CASZ1: variants seen among roughly 807,000 people sequenced by gnomAD.
CASZ1 encodes zinc finger protein castor homolog 1.
CASZ1 carries 28 observed loss-of-function variants against 135.2 expected under a neutral mutation model. That is an observed-to-expected ratio of 0.21 (90% CI 0.15 to 0.28). CASZ1 has a LOEUF of 0.28. Ranked by LOEUF, CASZ1 falls within the 10% of genes least tolerant of loss-of-function variation. CASZ1 has a pLI of 1.00. For synonymous variants in CASZ1, 1,068 were observed against 1,073.4 expected (o/e 0.99, Z 0.10); for missense variants, 2,161 against 2,453.3 (o/e 0.88, Z 2.52).
At chr1:10,715,658 G>GCACCCCACAGCACCCAATCCA (rs1639368495) in intron 2 of CASZ1, among the ~76,000 whole-genome samples, 1 of 85,948 alleles carries the variant, frequency 1.2e-5, no homozygotes, top group African/African-American at 5.1e-5. Context: ...CACCCAATCC[G>GCACCCCACAGCACCCAATCCA]CACCCCACAG....
Position 10,700,078 on chromosome 1 carries a change from G to C in CASZ1, c.-24+5414C>G, listed in dbSNP as rs581743. On this transcript the variant is annotated intron_variant, in intron 3 of 20. Transcript: ENST00000377022. The surrounding 1 kb of genome is among the most constrained non-coding windows in gnomAD (Gnocchi z 4.2). The stretch of plus-strand genomic sequence containing the variant: ...AGAGACAGAGAGAGAAAGAGAGATA[G>C]AGACACACACACACACACACACACA... Among the ~76,000 whole-genome samples the C allele has an allele frequency of 1.8e-4, 13 of 74,170 alleles. 1 individual carries two copies. Among genetic ancestry groups the C allele is most frequent in the East Asian group, 1.0e-3 (3 of 2,918 alleles). The allele number at this position is 74,170 out of a possible 152,430, so 48.7% of individuals were successfully genotyped here. A position where few individuals can be genotyped will look rare whatever the true frequency, so the allele number is the denominator to read the frequency against.
intron 2 of CASZ1, among the ~76,000 whole-genome samples, chr1:10,708,431 G>A (rs753934973): frequency 2.6e-5 from 4 of 152,238 alleles, no homozygotes; most frequent in Non-Finnish European, 5.9e-5. Flanking sequence ...TGGGTAAGAA[G>A]AAGAGCACAG....
chr1:10,645,388 G>A (rs1642336984), intron 17 of CASZ1, among the ~76,000 whole-genome samples: 1 of 152,176 alleles, frequency 6.6e-6, no homozygotes, highest in South Asian at 2.1e-4. Flanking sequence ...AAATTAGCCG[G>A]GCGTGGTGGC....
rs773479206 is a variant in CASZ1, at chr1:10,701,542, C to T, written c.-24+3950G>A. On this transcript the variant is annotated intron_variant, in intron 3 of 20. Coordinates refer to ENST00000377022, the MANE Select transcript of CASZ1 (RefSeq NM_001079843.3). This position sits in a 1 kb window ranked among gnomAD's most constrained non-coding sequence, Gnocchi z 6.3. ...TGGAGTGATGGGAGGAGGGGGGGCG[C>T]GGTCAGAAGAAGGAGATAACGGGCA... is the stretch of plus-strand genomic sequence containing the variant. Among the ~76,000 whole-genome samples the T allele has an allele frequency of 1.3e-5, 2 of 152,046 alleles. No individual in the cohort carries two copies. Among genetic ancestry groups the T allele is most frequent in the South Asian group, 2.1e-4 (1 of 4,824 alleles).
chr1:10,703,497 G>A (rs1639106675), intron 3 of CASZ1, among the ~76,000 whole-genome samples: 2 of 152,190 alleles, frequency 1.3e-5, no homozygotes, highest in East Asian at 1.9e-4. Context: ...CTTGCCACAA[G>A]CCTGGGAAGC....
chr1:10,710,126 A>C (rs993391301), intron 2 of CASZ1, among the ~76,000 whole-genome samples: 5 of 152,226 alleles, frequency 3.3e-5, no homozygotes, highest in African/African-American at 9.6e-5. Flanking sequence ...ACCTGGCTTA[A>C]GAAGTGTTTT....
In CASZ1 at chr1:10,649,445, G is replaced by A. The variant is rs1212259993; in HGVS notation, c.2881-8C>T. 8.7e-6 allele frequency: 14 copies of A among 1,602,238 alleles called. No homozygotes were observed. In the African/African-American group the frequency reaches 9.4e-5, roughly 11 times the overall value. Reference sequence around the variant, plus strand: ...AGGGTTGCCCTGAGACATCTGTGAGGGACAGAGGCCGAGCATGGGGCTGGG... The same window carrying A: ...AGGGTTGCCCTGAGACATCTGTGAGAGACAGAGGCCGAGCATGGGGCTGGG... On this transcript the variant is annotated splice_polypyrimidine_tract_variant and splice_region_variant and intron_variant, in intron 13 of 20. Coordinates refer to ENST00000377022, the MANE Select transcript of CASZ1 (RefSeq NM_001079843.3).
intron 1 of CASZ1, among the ~76,000 whole-genome samples, chr1:10,773,981 C>A (rs919328030): frequency 3.9e-5 from 6 of 152,172 alleles, no homozygotes; most frequent in African/African-American, 1.2e-4. Flanking sequence ...GTCTGAAGGT[C>A]CTGGCAGCTC....
At chr1:10,729,168 C>T (rs981520384) in intron 2 of CASZ1, among the ~76,000 whole-genome samples, 3 of 152,080 alleles carry the variant, frequency 2.0e-5, no homozygotes, top group Non-Finnish European at 4.4e-5. Flanking sequence ...AGGCCCTCGG[C>T]GTTGAAGGCA....
chr1:10,671,434 A>G (rs1643394868), intron 4 of CASZ1, among the ~76,000 whole-genome samples: 1 of 152,154 alleles, frequency 6.6e-6, no homozygotes. Flanking sequence ...GAACACAAAC[A>G]TGGCTCCTGC....
Position 10,656,736 on chromosome 1 carries a change from C to A in CASZ1, c.1410G>T (p.Arg470Ser). 1 of 1,587,974 alleles carries A rather than the reference C, an allele frequency of 6.3e-7. No homozygotes were observed. The change falls in exon 8 of 21, where the codon AGG becomes AGT. Residue 470 changes from arginine (R) to serine (S), a missense_variant and splice_region_variant. Coordinates refer to ENST00000377022, the MANE Select transcript of CASZ1 (RefSeq NM_001079843.3). ...GGCCACAGTGCTGGCTGCCCGAGAA[C>A]CTGGAGGGAGGAGGGGTGGGGTCAG... ...DVNIYQKYIA[R>S]FSGSQHCGHI... is the part of the protein sequence containing the mutation.
At chr1:10,748,860 TC>T (rs1236542686) in intron 2 of CASZ1, among the ~76,000 whole-genome samples, 1 of 152,214 alleles carries the variant, frequency 6.6e-6, no homozygotes, top group African/African-American at 2.4e-5. Flanking sequence ...ATGGAGGTCT[TC>T]TCGGCAGAAG....
intron 4 of CASZ1, among the ~76,000 whole-genome samples, chr1:10,669,085 G>C (rs2100308541): frequency 6.6e-6 from 1 of 152,336 alleles, no homozygotes; most frequent in Non-Finnish European, 1.5e-5. Flanking sequence ...GCACAGGGTT[G>C]GGGAAAACGG....
chr1:10,763,276 G>A (rs950375043), intron 1 of CASZ1, among the ~76,000 whole-genome samples: 1 of 152,190 alleles, frequency 6.6e-6, no homozygotes, highest in Non-Finnish European at 1.5e-5. Context: ...CTGAGTGAGC[G>A]TGCTTACAGA....
intron 4 of CASZ1, among the ~76,000 whole-genome samples, chr1:10,684,044 G>A (rs1557503593): frequency 6.6e-6 from 1 of 152,230 alleles, no homozygotes; most frequent in Admixed American, 6.5e-5. Context: ...AAACCCAGCA[G>A]TATCTCCGGG....
rs555459109 is a variant in CASZ1 at position 10,697,141 on chromosome 1, G to A, written c.-23-3229C>T. ...AGAGAAGCAAGAAACAGGCCAACTC[G>A]GAGCGCAAGGATTTATGAAGGTCAG... On this transcript the variant is annotated intron_variant, in intron 3 of 20. Coordinates refer to ENST00000377022, the MANE Select transcript of CASZ1 (RefSeq NM_001079843.3). The surrounding 1 kb of genome is among the most constrained non-coding windows in gnomAD (Gnocchi z 4.7). Among the ~76,000 whole-genome samples, 2 of 152,340 alleles carry A rather than the reference G, an allele frequency of 1.3e-5. No homozygotes were observed. The highest frequency in any genetic ancestry group is 3.9e-4 in the East Asian group (2 of 5,188).
intron 2 of CASZ1, among the ~76,000 whole-genome samples, chr1:10,750,758 G>C (rs1640136266): frequency 6.6e-6 from 1 of 152,126 alleles, no homozygotes; most frequent in African/African-American, 2.4e-5. Flanking sequence ...AAATTAGCTA[G>C]GCATGGTGGC....
chr1:10,663,370 G>GCCTGTGT lies in CASZ1; in HGVS notation c.505+1712_505+1713insACACAGG, dbSNP rs1483670305. Reference sequence around the variant, plus strand: ...AGAGGACAGTCACAGGCAGCCACCTGGCACCCAGGGTGCACAGAGGGACTC... The same window carrying GCCTGTGT: ...AGAGGACAGTCACAGGCAGCCACCTGCCTGTGTGCACCCAGGGTGCACAGAGGGACTC... On this transcript the variant is annotated intron_variant, in intron 5 of 20. Coordinates refer to ENST00000377022, the MANE Select transcript of CASZ1 (RefSeq NM_001079843.3). Among the ~76,000 whole-genome samples the GCCTGTGT allele has an allele frequency of 9.1e-3, 1,385 of 152,276 alleles. 21 individuals carry two copies. Among genetic ancestry groups the GCCTGTGT allele is most frequent in the African/African-American group, 0.032 (1,309 of 41,542 alleles).
In CASZ1 at chr1:10,706,997, G is replaced by A. The variant is rs1471602416; in HGVS notation, c.-76-1453C>T. ...GGAGGCCGGCAGGGAGGGTCACAGG[G>A]TCCGGGGATGGAGACCCCCAGGCCT... is the stretch of plus-strand genomic sequence containing the variant. On this transcript the variant is annotated intron_variant, in intron 2 of 20. Transcript: ENST00000377022. This position sits in a 1 kb window ranked among gnomAD's most constrained non-coding sequence, Gnocchi z 4.3. Among the ~76,000 whole-genome samples the A allele has an allele frequency of 6.6e-6, 1 of 152,082 alleles. No individual in the cohort carries two copies. Among genetic ancestry groups the A allele is most frequent in the Non-Finnish European group, 1.5e-5 (1 of 67,984 alleles).
Sources: allele counts gnomAD v4.1 joint callset (sites outside exome capture counted in the v4.1 genomes callset), GRCh38; gene constraint gnomAD v4.1.1; non-coding constraint Gnocchi (gnomAD v3.1); transcripts MANE v1.5; gene names NCBI Gene and HGNC (gene_info 2026-07-23, HGNC 2026-07-21).